UGT2B15: variants seen among roughly 807,000 people sequenced by gnomAD.
UGT2B15 encodes the protein UDP-glucuronosyltransferase 2B15.
A neutral mutation model predicts 45.9 loss-of-function variants in UGT2B15; 36 were observed. The observed-to-expected ratio is 0.78, with a 90% confidence interval of 0.60 to 1.04. UGT2B15 has a LOEUF of 1.04. Ranked by LOEUF, UGT2B15 falls within the 50% of genes least tolerant of loss-of-function variation. The pLI, the probability that UGT2B15 is intolerant of heterozygous loss-of-function variation, is 0.00. For synonymous variants in UGT2B15, 219 were observed against 216.4 expected (o/e 1.01, Z -0.11); for missense variants, 617 against 622.4 (o/e 0.99, Z 0.09).
chr4:68,647,652 C>T (rs938233481), intron 5 of UGT2B15, among the ~76,000 whole-genome samples: 3 of 151,802 alleles, frequency 2.0e-5, no homozygotes, highest in East Asian at 1.9e-4. Context: ...ATATTATGAG[C>T]CATTCTAAGT....
chr4:68,663,695 C>G (rs941300777), intron 2 of UGT2B15, among the ~76,000 whole-genome samples: 1 of 152,012 alleles, frequency 6.6e-6, no homozygotes, highest in African/African-American at 2.4e-5. Flanking sequence ...TTCTAGCTCT[C>G]TAACCCTTTA....
intron 2 of UGT2B15, among the ~76,000 whole-genome samples, chr4:68,664,119 G>C (rs1265361344): frequency 1.3e-5 from 2 of 151,692 alleles, no homozygotes; most frequent in Non-Finnish European, 1.5e-5. Flanking sequence ...CCCTAGAGTA[G>C]CTCCCTCACA....
rs909906525 is a variant in UGT2B15 at position 68,656,731 on chromosome 4, A to G, written c.1006-1549T>C. ...CTTGAACTCTTTTAAAGAATTCAGA[A>G]CAAAGGCACCACTCACCCCTTTAGG... is the stretch of plus-strand genomic sequence containing the variant. On this transcript the variant is annotated intron_variant, in intron 3 of 5. Coordinates refer to ENST00000338206, the MANE Select transcript of UGT2B15 (RefSeq NM_001076.4). 1.1e-4 allele frequency among the ~76,000 whole-genome samples: 17 copies of G among 152,076 alleles called. 1 individual carries two copies. The highest frequency in any genetic ancestry group is 4.1e-4 in the African/African-American group (17 of 41,384).
At chr4:68,651,210 T>C (rs1033231443) in intron 5 of UGT2B15, among the ~76,000 whole-genome samples, 9 of 152,052 alleles carry the variant, frequency 5.9e-5, no homozygotes, top group African/African-American at 1.9e-4. Context: ...GGTGTTTGTG[T>C]CATGAAATTT....
chr4:68,665,047 A>T (rs1425061510), intron 2 of UGT2B15, among the ~76,000 whole-genome samples: 1 of 152,150 alleles, frequency 6.6e-6, no homozygotes, highest in Admixed American at 6.5e-5. Context: ...TAAAACATCT[A>T]TTTATAGACA....
intron 2 of UGT2B15, among the ~76,000 whole-genome samples, chr4:68,664,122 C>T (rs1456712294): frequency 2.6e-5 from 4 of 151,650 alleles, no homozygotes; most frequent in Non-Finnish European, 5.9e-5. Flanking sequence ...TAGAGTAGCT[C>T]CCTCACACTA....
rs374237116 is a variant in UGT2B15 at position 68,656,936 on chromosome 4, G to A, written c.1006-1754C>T. 2.6e-3 allele frequency among the ~76,000 whole-genome samples: 393 copies of A among 151,348 alleles called. 2 individuals are homozygous for A. The highest frequency in any genetic ancestry group is 8.9e-3 in the African/African-American group (362 of 40,746). ...TAATGGCAGACGAGTTACAAAGTAG[G>A]GGGTGGCTGAGTACAGTTTACTGGA... On this transcript the variant is annotated intron_variant, in intron 3 of 5. Coordinates refer to ENST00000338206, the MANE Select transcript of UGT2B15 (RefSeq NM_001076.4).
At chr4:68,652,832 GA>G in intron 5 of UGT2B15, among the ~76,000 whole-genome samples, 1 of 151,804 alleles carries the variant, frequency 6.6e-6, no homozygotes, top group African/African-American at 2.4e-5. Flanking sequence ...AAGATAAATA[GA>G]AAAAGACAAA....
rs1477878780 is a variant in UGT2B15 at position 68,667,907 on chromosome 4, ATT to A, written c.873+131_873+132del. 1.1e-5 allele frequency: 15 copies of A among 1,402,996 alleles called. No homozygotes were observed. In the East Asian group the frequency reaches 2.6e-4, roughly 24 times the overall value. 86.9% of individuals were successfully genotyped at this position (1,402,996 alleles called of 1,614,324 possible). ...ACTTGTGATACTACAGAAATATATG[ATT>A]TTCTAATGGCAAGTCCTTGTTTTTG... On this transcript the variant is annotated intron_variant, in intron 2 of 5. Transcript: ENST00000338206.
intron 5 of UGT2B15, among the ~76,000 whole-genome samples, chr4:68,653,519 T>G (rs1732713136): frequency 6.6e-6 from 1 of 152,012 alleles, no homozygotes; most frequent in Non-Finnish European, 1.5e-5. Context: ...ATGAGTTTAA[T>G]TTGAATTCAT....
Position 68,670,303 on chromosome 4 carries a change from A to G in UGT2B15, c.316T>C (p.Phe106Leu), listed in dbSNP as rs1560613361. The G allele has an allele frequency of 1.9e-6, 3 of 1,614,104 alleles. No individual in the cohort carries two copies. Among genetic ancestry groups the G allele is most frequent in the Non-Finnish European group, 2.5e-6 (3 of 1,179,994 alleles). Reference protein sequence around the residue: ...RWIYGVSKNTFWSYFSQLQEL... With the variant: ...RWIYGVSKNTLWSYFSQLQEL... ...TGTAATTGTGAAAAATATGACCAAA[A>G]TGTATTTTTTGAAACACCATATATC... The change falls in exon 1 of 6, where the codon TTT becomes CTT. Residue 106 changes from phenylalanine to leucine, a missense_variant. Physicochemically the swap from Phe to Leu is conservative, Grantham distance 22 (BLOSUM62 0). Transcript: ENST00000338206.
At chr4:68,669,764 G>T in intron 1 of UGT2B15, 131 bp downstream of exon 1, 1 of 1,315,302 alleles carries the variant, frequency 7.6e-7, no homozygotes, top group Non-Finnish European at 1.0e-6. Context: ...GAGACTGATA[G>T]ATCATCTTAC....
chr4:68,670,486 C>T lies in UGT2B15; in HGVS notation c.133G>A (p.Glu45Lys). The T allele has an allele frequency of 1.2e-6, 2 of 1,614,054 alleles. No homozygotes were observed. The highest frequency in any genetic ancestry group is 2.2e-5 in the South Asian group (2 of 91,070). ...HWINMKTILE[E>K]LVQRGHEVTV... ...ACCTCATGACCCCTCTGAACAAGCT[C>T]TTCCAGGATTGTCTTCATATTTATC... Residue 45 changes from glutamate to lysine, a missense_variant, in exon 1 of 6, where the codon GAG becomes AAG. Physicochemically the swap from Glu to Lys is moderately conservative, Grantham distance 56. Around this residue, in one of 3 missense-constraint regions of UGT2B15, gnomAD observed 351 missense variants for 342.1 expected, o/e 1.03. Coordinates refer to ENST00000338206, the MANE Select transcript of UGT2B15 (RefSeq NM_001076.4).
intron 5 of UGT2B15, among the ~76,000 whole-genome samples, chr4:68,652,417 T>C (rs942310046): frequency 6.6e-6 from 1 of 151,530 alleles, no homozygotes; most frequent in Non-Finnish European, 1.5e-5. Flanking sequence ...TCTATATATA[T>C]ATATATTTTA....
At chr4:68,656,340 T>C (rs1732805173) in intron 3 of UGT2B15, among the ~76,000 whole-genome samples, 1 of 151,944 alleles carries the variant, frequency 6.6e-6, no homozygotes, top group Non-Finnish European at 1.5e-5. Flanking sequence ...AACAACTAGC[T>C]GGACTTAATT....
rs762239160 is a variant in UGT2B15 at position 68,647,368 on chromosome 4, G to A, written c.1329C>T (p.Val443=). 2 of 1,613,122 alleles carry A rather than the reference G, an allele frequency of 1.2e-6. No individual in the cohort carries two copies. The highest frequency in any genetic ancestry group is 1.1e-5 in the South Asian group (1 of 90,958). The change falls in exon 6 of 6, where the codon GTC becomes GTT. Residue 443 remains valine, a synonymous_variant. Coordinates refer to ENST00000338206, the MANE Select transcript of UGT2B15 (RefSeq NM_001076.4). ...VINDPVYKEN[V]MKLSRIHHDQ... is the part of the protein sequence containing the mutation. ...CATGATGAATTCTTGATAATTTCAT[G>A]ACATTCTCTTTATAGCTGAAGGATA... is the stretch of plus-strand genomic sequence containing the variant.
intron 2 of UGT2B15, 37 bp downstream of exon 2, chr4:68,668,003 A>G: frequency 1.2e-6 from 2 of 1,608,586 alleles, no homozygotes; most frequent in Non-Finnish European, 1.7e-6. Flanking sequence ...TCCTTCTGAA[A>G]ATGTCAAGCA....
At chr4:68,667,384 C>T (rs183022886) in intron 2 of UGT2B15, among the ~76,000 whole-genome samples, 28 of 152,080 alleles carry the variant, frequency 1.8e-4, no homozygotes, top group Middle Eastern at 3.4e-3. Flanking sequence ...CCACGTTTCC[C>T]AGGCTGGTCT....
chr4:68,647,465 A>G, intron 5 of UGT2B15, 82 bp from the exon 6 acceptor site: 3 of 1,414,830 alleles, frequency 2.1e-6, no homozygotes, highest in Non-Finnish European at 1.9e-6. Context: ...GTCTTTGAAA[A>G]GTGTCACACA....
Sources: allele counts gnomAD v4.1 joint callset (sites outside exome capture counted in the v4.1 genomes callset), GRCh38; gene constraint gnomAD v4.1.1; regional missense constraint gnomAD v4.1.1; transcripts MANE v1.5; gene names NCBI Gene and HGNC (gene_info 2026-07-23, HGNC 2026-07-21).